The following FHL2 variants were observed in gnomAD, a reference collection of about 807,000 sequenced individuals.
FHL2 encodes four and a half LIM domains 2.
FHL2 carries 20 observed loss-of-function variants against 32.7 expected under a neutral mutation model. The ratio of observed to expected loss-of-function variants is 0.61; its 90% CI spans 0.43 to 0.89. The LOEUF (loss-of-function observed/expected upper bound fraction) is 0.89, where lower values mean the gene tolerates loss of function less well. Among genes scored for constraint, FHL2 ranks in the 40% least tolerant of loss-of-function variants. The probability of loss-of-function intolerance (pLI) is 0.00; values close to 1 mark genes in which losing one functional copy is unlikely to be tolerated. For missense variants in FHL2, 311 were observed against 358.6 expected (o/e 0.87, Z 1.07); for synonymous variants, 123 against 128.1 (o/e 0.96, Z 0.27).
chr2:105,387,834 AC>A (rs1682430381), intron 2 of FHL2, among the ~76,000 whole-genome samples: 1 of 152,238 alleles, frequency 6.6e-6, no homozygotes, highest in Non-Finnish European at 1.5e-5. Context: ...TCTTCACAAT[AC>A]CGACAACATG....
At chr2:105,400,917 G>A (rs1005170990), upstream of FHL2, among the ~76,000 whole-genome samples, 3 of 151,640 alleles carry the variant, frequency 2.0e-5, no homozygotes, top group South Asian at 2.1e-4. Context: ...GTGGTCATTC[G>A]ATAGGGTCAG....
At chr2:105,364,651 C>T (rs1324613581) in intron 5 of FHL2, among the ~76,000 whole-genome samples, 5 of 152,174 alleles carry the variant, frequency 3.3e-5, no homozygotes, top group African/African-American at 9.7e-5. Context: ...GCTTGGCAAA[C>T]GAAGGCTGTG....
At chr2:105,393,052 C>T (rs1045268728) in intron 2 of FHL2, among the ~76,000 whole-genome samples, 9 of 151,950 alleles carry the variant, frequency 5.9e-5, no homozygotes, top group Non-Finnish European at 1.3e-4. Context: ...AGACAGCCTC[C>T]CTTGGCTTGC....
chr2:105,419,792 T>A (rs1279076442), intron 1 of FHL2, among the ~76,000 whole-genome samples: 1 of 152,212 alleles, frequency 6.6e-6, no homozygotes, highest in Non-Finnish European at 1.5e-5. Flanking sequence ...AATAATAACA[T>A]AAAATAAGAT....
intron 1 of FHL2, among the ~76,000 whole-genome samples, chr2:105,416,279 T>A (rs1683932459): frequency 6.6e-6 from 1 of 152,224 alleles, no homozygotes. Flanking sequence ...GGTTTTGAAT[T>A]TTTGCAAATC....
At chr2:105,387,045 G>A (rs562158075) in intron 2 of FHL2, among the ~76,000 whole-genome samples, 47 of 152,038 alleles carry the variant, frequency 3.1e-4, no homozygotes, top group Non-Finnish European at 5.9e-4. Context: ...GATTACAGGC[G>A]TGAGCCATCA....
intron 1 of FHL2, 128 bp from the exon 2 acceptor site, chr2:105,396,825 A>C (rs565381132): frequency 7.9e-6 from 6 of 759,856 alleles, no homozygotes; most frequent in Non-Finnish European, 1.3e-5. Context: ...ACCGCACAGA[A>C]GAACCCAATG....
chr2:105,412,401 A>ACC (rs1284317437), intron 1 of FHL2, among the ~76,000 whole-genome samples: 1 of 152,150 alleles, frequency 6.6e-6, no homozygotes, highest in Non-Finnish European at 1.5e-5. Context: ...AAAAAAACAA[A>ACC]CTGGTGGTGG....
intron 1 of FHL2, among the ~76,000 whole-genome samples, chr2:105,411,864 G>A (rs559139361): frequency 2.2e-4 from 34 of 152,026 alleles, no homozygotes; most frequent in African/African-American, 6.3e-4. Context: ...CTAGTAATTG[G>A]ATTGAGTAGA....
chr2:105,377,929 C>A, intron 3 of FHL2: 1 of 403,892 alleles, frequency 2.5e-6, no homozygotes, highest in Admixed American at 3.0e-5. Flanking sequence ...AGAGGGGTGG[C>A]AAGTTATCAG....
At chr2:105,415,899 A>G (rs921878829) in intron 1 of FHL2, among the ~76,000 whole-genome samples, 1 of 152,190 alleles carries the variant, frequency 6.6e-6, no homozygotes, top group African/African-American at 2.4e-5. Context: ...TTCAGCAAAA[A>G]ATACGTCTTT....
At chr2:105,429,556 A>T (rs1684365135) in intron 1 of FHL2, among the ~76,000 whole-genome samples, 1 of 152,218 alleles carries the variant, frequency 6.6e-6, no homozygotes, top group African/African-American at 2.4e-5. Flanking sequence ...GAAGCTGGAA[A>T]AGGTGGGGAA....
chr2:105,399,736 A>C, upstream of FHL2: 1 of 1,003,570 alleles, frequency 1.0e-6, no homozygotes, highest in Non-Finnish European at 1.4e-6. Context: ...GGGTAGGGAC[A>C]GATGGCACTG....
chr2:105,399,888 C>G (rs1052926394), upstream of FHL2, among the ~76,000 whole-genome samples: 2 of 152,196 alleles, frequency 1.3e-5, no homozygotes, highest in Admixed American at 6.5e-5. Context: ...ACAAAGGCGT[C>G]CTCGGCACTT....
intron 5 of FHL2, among the ~76,000 whole-genome samples, chr2:105,366,051 C>CAA (rs140245194): frequency 2.7e-5 from 4 of 149,840 alleles, no homozygotes; most frequent in African/African-American, 9.8e-5. Context: ...ACTAAAAATA[C>CAA]AAAAAAAACC....
At chr2:105,410,895 G>C (rs992043601) in intron 1 of FHL2, among the ~76,000 whole-genome samples, 1 of 152,214 alleles carries the variant, frequency 6.6e-6, no homozygotes, top group African/African-American at 2.4e-5. Flanking sequence ...AATGGACTTA[G>C]TTATTTTAGG....
intron 4 of FHL2, among the ~76,000 whole-genome samples, chr2:105,372,835 G>A (rs1324549270): frequency 2.0e-5 from 3 of 152,122 alleles, no homozygotes; most frequent in Non-Finnish European, 2.9e-5. Context: ...GGAATTACAG[G>A]TATAAGCCAC....
upstream of FHL2, chr2:105,399,210 C>T: frequency 6.6e-7 from 1 of 1,519,472 alleles, no homozygotes; most frequent in East Asian, 2.5e-5. Context: ...CTGCGGCGGT[C>T]CCGGCCCGTA....
chr2:105,419,440 C>G (rs1684034188), intron 1 of FHL2, among the ~76,000 whole-genome samples: 1 of 152,144 alleles, frequency 6.6e-6, no homozygotes, highest in Non-Finnish European at 1.5e-5. Context: ...AATTAAGAAG[C>G]AGCAAATGCA....
Sources: gnomAD v4.1 joint callset for allele counts (sites outside exome capture counted in the v4.1 genomes callset) on GRCh38, gnomAD v4.1.1 for gene constraint, MANE v1.5 for transcripts, NCBI Gene and HGNC (gene_info 2026-07-23, HGNC 2026-07-21) for gene names.